The following LDLRAD1 variants were observed in gnomAD, a reference collection of about 807,000 sequenced individuals.
LDLRAD1 encodes low density lipoprotein receptor class A domain containing 1.
Under a neutral mutation model 24.8 loss-of-function variants are expected in LDLRAD1, and 17 were observed. That is an observed-to-expected ratio of 0.69 (90% CI 0.47 to 1.03). The LOEUF is 1.03. Ranked by LOEUF, LDLRAD1 falls within the 50% of genes least tolerant of loss-of-function variation. The probability of loss-of-function intolerance (pLI) is 0.00; values close to 1 mark genes in which losing one functional copy is unlikely to be tolerated. For missense variants in LDLRAD1, 277 were observed against 271.0 expected, an observed-to-expected ratio of 1.02 and a Z score of -0.16; for synonymous variants, 103 against 108.2, an observed-to-expected ratio of 0.95 and a Z score of 0.30.
chr1:54,013,939 T>G (rs1038092773), intron 3 of LDLRAD1, among the ~76,000 whole-genome samples: 1 of 150,968 alleles, frequency 6.6e-6, no homozygotes, highest in Non-Finnish European at 1.5e-5. Flanking sequence ...GTGTAGGGAC[T>G]GGGGGGCTGA....
chr1:54,017,242 G>A (rs11804837), intron 2 of LDLRAD1, 134 bp downstream of exon 2: 309,747 of 684,966 alleles, frequency 0.45, 71,863 homozygotes, highest in East Asian at 0.6. Flanking sequence ...GAAGCTGGGA[G>A]CAGACAACGT....
chr1:54,010,397 C>G lies in LDLRAD1; in HGVS notation c.354G>C (p.Gln118His). The change falls in exon 5 of 6, where the codon CAG becomes CAC. Residue 118 changes from glutamine to histidine, a missense_variant. Coordinates refer to ENST00000371360, the MANE Select transcript of LDLRAD1 (RefSeq NM_001010978.4). Reference protein sequence around the residue: ...EDESLCRDVPQSLPHFLVAHC... With the variant: ...EDESLCRDVPHSLPHFLVAHC... ...GGGCCACAAGGAAGTGGGGGAGGCT[C>G]TGGGGCACATCTCCTGTAGAGGTAC... The G allele has an allele frequency of 6.2e-7, 1 of 1,613,958 alleles. No individual in the cohort carries two copies. The highest frequency in any genetic ancestry group is 8.5e-7 in the Non-Finnish European group (1 of 1,179,988).
In LDLRAD1 at chr1:54,009,083, T is replaced by C. The variant is rs774305639; in HGVS notation, c.517A>G (p.Thr173Ala). The stretch of plus-strand genomic sequence containing the variant: ...ATACAGTCGCAGTACTTGAAGAAGG[T>C]TGAAGGACAGCGCCACCACCCAGGG... ...CGPGWWRCPS[T>A]FFKYCDCIPR... The change falls in exon 6 of 6, where the codon ACC becomes GCC. Residue 173 changes from threonine to alanine, a missense_variant. Physicochemically the swap from Thr to Ala is moderately conservative, Grantham distance 58. Coordinates refer to ENST00000371360, the MANE Select transcript of LDLRAD1 (RefSeq NM_001010978.4). 3 of 1,613,704 alleles carry C rather than the reference T, an allele frequency of 1.9e-6. No homozygotes were observed. In the African/African-American group the frequency reaches 4.0e-5, roughly 22 times the overall value.
intron 2 of LDLRAD1, among the ~76,000 whole-genome samples, chr1:54,015,037 A>T (rs1210042758): frequency 6.6e-6 from 1 of 152,238 alleles, no homozygotes; most frequent in Non-Finnish European, 1.5e-5. Context: ...TGAGAGGATT[A>T]GAATTTGTTG....
At chr1:54,009,247 C>G in intron 5 of LDLRAD1, 117 bp from the exon 6 acceptor site, 1 of 927,288 alleles carries the variant, frequency 1.1e-6, no homozygotes, top group Non-Finnish European at 1.7e-6. Context: ...ACCCATCTGA[C>G]GTGAGTTGAG....
intron 1 of LDLRAD1, 73 bp from the exon 2 acceptor site, chr1:54,017,500 G>T: frequency 7.7e-7 from 1 of 1,291,186 alleles, no homozygotes; most frequent in Non-Finnish European, 1.1e-6. Context: ...AGACAACAGG[G>T]TTTTCAGAGG....
chr1:54,012,224 T>C lies in LDLRAD1; in HGVS notation c.259A>G (p.Arg87Gly), dbSNP rs1479614249. The change falls in exon 4 of 6, where the codon AGG becomes GGG. Residue 87 changes from arginine (R) to glycine (G), a missense_variant. Transcript: ENST00000371360. Reference protein sequence around the residue: ...NRTGFLCHDQRSCIPASGVCD... With the variant: ...NRTGFLCHDQGSCIPASGVCD... Reference sequence around the variant, plus strand: ...ACCCCACTGGCTGGAATGCAGCTCCTCTGGTCATGGCACAAGAAGCCTGTC... The same window carrying C: ...ACCCCACTGGCTGGAATGCAGCTCCCCTGGTCATGGCACAAGAAGCCTGTC... 3.7e-6 allele frequency: 6 copies of C among 1,614,150 alleles called. No individual in the cohort carries two copies. Among genetic ancestry groups the C allele is most frequent in the Non-Finnish European group, 5.1e-6 (6 of 1,179,986 alleles).
rs1482854134 is a variant in LDLRAD1 at position 54,014,179 on chromosome 1, G to C, written c.202+57C>G. Reference sequence around the variant, plus strand: ...CAGGTCGGGGCTCCCTCATCTCTCTGTGCCCTCCCATGCCCTCCCCGCCGG... The same window carrying C: ...CAGGTCGGGGCTCCCTCATCTCTCTCTGCCCTCCCATGCCCTCCCCGCCGG... On this transcript the variant is annotated intron_variant, in intron 3 of 5. Transcript: ENST00000371360. 1.9e-5 allele frequency: 29 copies of C among 1,549,718 alleles called. No individual in the cohort carries two copies. The Admixed American group carries it at 5.4e-4, about 29-fold the overall frequency.
chr1:54,017,977 G>T, intron 1 of LDLRAD1, 115 bp downstream of exon 1: 1 of 983,402 alleles, frequency 1.0e-6, no homozygotes, highest in South Asian at 1.3e-5. Flanking sequence ...TCTTACCTGG[G>T]GACAGCTCTT....
rs148055296 is a variant in LDLRAD1, at chr1:54,008,991, G to A, written c.609C>T (p.Pro203=). ...CSDWSDEYAC[P]GP is the part of the protein sequence containing the mutation. ...GGCCTGAGTGGCCCACTCAGGGTCC[G>A]GGACAGGCATACTCATCGGACCAGT... The change falls in exon 6 of 6, where the codon CCC becomes CCT. Residue 203 remains proline, a synonymous_variant. Coordinates refer to ENST00000371360, the MANE Select transcript of LDLRAD1 (RefSeq NM_001010978.4). The A allele has an allele frequency of 1.3e-3, 2,032 of 1,613,092 alleles. 28 individuals are homozygous for A. In the East Asian group the frequency reaches 0.029, roughly 23 times the overall value.
chr1:54,008,798 A>G lies in LDLRAD1; in HGVS notation c.*184T>C, dbSNP rs561327527. The G allele has an allele frequency of 1.2e-5, 7 of 580,354 alleles. No homozygotes were observed. The highest frequency in any genetic ancestry group is 2.1e-5 in the Non-Finnish European group (7 of 330,088). 36.0% of individuals were successfully genotyped at this position (580,354 alleles called of 1,614,324 possible). A position where few individuals can be genotyped will look rare whatever the true frequency, so the allele number is the denominator to read the frequency against. ...CTAACATGGTAATGAGCTCCTGGTC[A>G]TTGGAAGCATTCAAGCAGAGGCTGA... On this transcript the variant is annotated 3_prime_UTR_variant, in exon 6 of 6. Coordinates refer to ENST00000371360, the MANE Select transcript of LDLRAD1 (RefSeq NM_001010978.4).
intron 2 of LDLRAD1, among the ~76,000 whole-genome samples, chr1:54,015,430 C>T (rs537422141): frequency 6.6e-6 from 1 of 152,216 alleles, no homozygotes; most frequent in Admixed American, 6.5e-5. Flanking sequence ...TACTGAGGAC[C>T]TCCTGGGTGC....
rs534898515 is a variant in LDLRAD1 at position 54,018,163 on chromosome 1, C to T, written c.-51G>A. 36 of 1,609,640 alleles carry T rather than the reference C, an allele frequency of 2.2e-5. No homozygotes were observed. The East Asian group carries it at 6.0e-4, about 27-fold the overall frequency. On this transcript the variant is annotated 5_prime_UTR_variant, in exon 1 of 6. The change creates a new upstream start codon in the 5' untranslated region. Transcript: ENST00000371360. Reference sequence around the variant, plus strand: ...GGGGCTGTGTGCAGAGAGCTCAGCACGGGTTCCCTGCATTGTCACCAAGGC... The same window carrying T: ...GGGGCTGTGTGCAGAGAGCTCAGCATGGGTTCCCTGCATTGTCACCAAGGC...
chr1:54,012,223 C>T lies in LDLRAD1; in HGVS notation c.260G>A (p.Arg87Lys), dbSNP rs1428790086. ...NRTGFLCHDQ[R>K]SCIPASGVCD... ...GACCCCACTGGCTGGAATGCAGCTC[C>T]TCTGGTCATGGCACAAGAAGCCTGT... Residue 87 changes from arginine (R) to lysine (K), a missense_variant, in exon 4 of 6, where the codon AGG (arginine) becomes AAG (lysine). By Grantham distance (26) the Arg-to-Lys change is conservative. Coordinates refer to ENST00000371360, the MANE Select transcript of LDLRAD1 (RefSeq NM_001010978.4). 1 of 1,614,156 alleles carries T rather than the reference C, an allele frequency of 6.2e-7. No homozygotes were observed. Among genetic ancestry groups the T allele is most frequent in the Non-Finnish European group, 8.5e-7 (1 of 1,179,994 alleles).
intron 2 of LDLRAD1, among the ~76,000 whole-genome samples, chr1:54,015,223 A>G (rs1399388379): frequency 6.6e-6 from 1 of 151,866 alleles, no homozygotes; most frequent in Non-Finnish European, 1.5e-5. Context: ...TCCTGCCTCA[A>G]CCTCCCAAAA....
rs1372635577 is a variant in LDLRAD1 at position 54,014,289 on chromosome 1, A to G, written c.149T>C (p.Val50Ala). The change falls in exon 3 of 6, where the codon GTG becomes GCG. Residue 50 changes from valine (V) to alanine (A), a missense_variant. Coordinates refer to ENST00000371360, the MANE Select transcript of LDLRAD1 (RefSeq NM_001010978.4). ...SASLLLLLAT[V>A]AALIALVTIL... Reference sequence around the variant, plus strand: ...GGTGACCAAGGCGATGAGGGCCGCCACAGTTGCCAGGAGGAGCAGCAGAGA... The same window carrying G: ...GGTGACCAAGGCGATGAGGGCCGCCGCAGTTGCCAGGAGGAGCAGCAGAGA... 6.4e-7 allele frequency: 1 copy of G among 1,550,872 alleles called. No individual in the cohort carries two copies. Among genetic ancestry groups the G allele is most frequent in the Non-Finnish European group, 8.7e-7 (1 of 1,147,190 alleles).
At position 54,010,345 on chromosome 1, in the gene LDLRAD1, A is replaced by G. The variant is rs1655995787; in HGVS notation, c.406T>C (p.Tyr136His). The G allele has an allele frequency of 1.9e-6, 3 of 1,614,052 alleles. No homozygotes were observed. The highest frequency in any genetic ancestry group is 2.7e-5 in the African/African-American group (2 of 74,998). Residue 136 changes from tyrosine (Y) to histidine (H), a missense_variant, in exon 5 of 6, where the codon TAC becomes CAC. Tyr to His is a moderately conservative substitution (Grantham distance 83). Coordinates refer to ENST00000371360, the MANE Select transcript of LDLRAD1 (RefSeq NM_001010978.4). Reference protein sequence around the residue: ...AHCGDPASWIYSDQKCDGTNN... With the variant: ...AHCGDPASWIHSDQKCDGTNN... ...GTGCCATCACATTTTTGGTCTGAGTAGATCCAGGAGGCCGGGTCTCCACAG... is the reference window on the plus strand; with the variant it reads ...GTGCCATCACATTTTTGGTCTGAGTGGATCCAGGAGGCCGGGTCTCCACAG...
rs543363600 is a variant in LDLRAD1, at chr1:54,010,556, C to T, written c.341-146G>A. On this transcript the variant is annotated intron_variant, in intron 4 of 5. Coordinates refer to ENST00000371360, the MANE Select transcript of LDLRAD1 (RefSeq NM_001010978.4). ...CCAGAAGGGTGCAAGCAGAAGGTTT[C>T]CTGGGGAGGTGGTGGAGTCAGAGGG... 1.3e-4 allele frequency: 97 copies of T among 737,746 alleles called. No homozygotes were observed. The East Asian group carries it at 2.3e-3, about 18-fold the overall frequency. 45.7% of individuals were successfully genotyped at this position (737,746 alleles called of 1,614,324 possible). A position where few individuals can be genotyped will look rare whatever the true frequency, so the allele number is the denominator to read the frequency against.
At position 54,009,036 on chromosome 1, in the gene LDLRAD1, G is replaced by T; in HGVS notation, c.564C>A (p.Asp188Glu). 1 of 1,614,106 alleles carries T rather than the reference G, an allele frequency of 6.2e-7. No homozygotes were observed. The highest frequency in any genetic ancestry group is 8.5e-7 in the Non-Finnish European group (1 of 1,180,018). The change falls in exon 6 of 6, where the codon GAC becomes GAA. Residue 188 changes from aspartate (D) to glutamate (E), a missense_variant. Transcript: ENST00000371360. ...ACCAGTCGGAGCAGTGCTGTACATG[G>T]TCGCGGCAGAGATGCCTCGGTATAC... Reference protein sequence around the residue: ...CDCIPRHLCRDHVQHCSDWSD... With the variant: ...CDCIPRHLCREHVQHCSDWSD...
Sources: gnomAD v4.1 joint callset for allele counts (sites outside exome capture counted in the v4.1 genomes callset) on GRCh38, gnomAD v4.1.1 for gene constraint, MANE v1.5 for transcripts, NCBI Gene and HGNC (gene_info 2026-07-23, HGNC 2026-07-21) for gene names.